Variants in PLEC observed in about 807,000 individuals in gnomAD.
PLEC encodes hemidesmosomal protein 1.
Under a neutral mutation model 392.8 loss-of-function variants are expected in PLEC, and 216 were observed. That is an observed-to-expected ratio of 0.55 (90% CI 0.49 to 0.62). The LOEUF (loss-of-function observed/expected upper bound fraction) is 0.62. PLEC is among the 20% of genes least tolerant of loss of function. PLEC has a pLI of 0.00. For synonymous variants in PLEC, 3,621 were observed against 2,980.6 expected, an observed-to-expected ratio of 1.21 and a Z score of -7.00; for missense variants, 6,863 against 6,563.4, an observed-to-expected ratio of 1.05 and a Z score of -1.58.
At chr8:143,958,845 C>T (rs1040404690), upstream of PLEC, 6 of 254,254 alleles carry the variant, frequency 2.4e-5, no homozygotes, top group African/African-American at 8.9e-5. The surrounding 1 kb of genome is among the most constrained non-coding windows in gnomAD (Gnocchi z 4.9). Context: ...GCACCAGACA[C>T]GAAGGTGTCA....
In PLEC at chr8:143,918,515, G is replaced by T. The variant is rs1184964710; in HGVS notation, c.11306C>A (p.Thr3769Asn). ...CTCGGTGTAGGGGTCACGGTAGCCG[G>T]TGACCGCCCGCTCAGCCGAGAGCAG... is the stretch of plus-strand genomic sequence containing the variant. ...DRLLSAERAV[T>N]GYRDPYTEQT... is the part of the protein sequence containing the mutation. The change falls in exon 32 of 32, where the codon ACC (threonine) becomes AAC (asparagine). Residue 3769 changes from threonine to asparagine, a missense_variant. Transcript: ENST00000345136. 1.2e-6 allele frequency: 2 copies of T among 1,606,746 alleles called. No individual in the cohort carries two copies. Among genetic ancestry groups the T allele is most frequent in the African/African-American group, 1.3e-5 (1 of 74,762 alleles).
chr8:143,976,105 A>G (rs1463605641), upstream of PLEC, among the ~76,000 whole-genome samples: 1 of 152,224 alleles, frequency 6.6e-6, no homozygotes, highest in Non-Finnish European at 1.5e-5. Context: ...AAATAGCTGC[A>G]GCCGCAGCGG....
upstream of PLEC, among the ~76,000 whole-genome samples, chr8:143,940,657 G>A (rs1015293542): frequency 1.3e-5 from 2 of 152,186 alleles, no homozygotes; most frequent in Non-Finnish European, 2.9e-5. Flanking sequence ...TGTTCCAGCC[G>A]CACATCAGGC....
chr8:143,967,516 A>G (rs1833171249), intron 1 of PLEC, among the ~76,000 whole-genome samples: 1 of 152,138 alleles, frequency 6.6e-6, no homozygotes, highest in African/African-American at 2.4e-5. Context: ...TGCTGCCCAC[A>G]GGCAACTTCG....
upstream of PLEC, chr8:143,943,683 G>A (rs1830914516): frequency 3.4e-6 from 4 of 1,192,624 alleles, no homozygotes; most frequent in Admixed American, 3.9e-5. Context: ...ATTCAGCTTG[G>A]AAACAGGAAG....
chr8:143,917,949 T>A lies in PLEC; in HGVS notation c.11872A>T (p.Ile3958Phe). The A allele has an allele frequency of 6.2e-7, 1 of 1,613,060 alleles. No individual in the cohort carries two copies. The highest frequency in any genetic ancestry group is 8.5e-7 in the Non-Finnish European group (1 of 1,179,994). The change falls in exon 32 of 32, where the codon ATC becomes TTC. Residue 3958 changes from isoleucine (I) to phenylalanine (F), a missense_variant. By Grantham distance (21) the Ile-to-Phe change is conservative. Coordinates refer to ENST00000345136, the MANE Select transcript of PLEC (RefSeq NM_201384.3). Reference protein sequence around the residue: ...SVYQAMKKGIIRPGTAFELLE... With the variant: ...SVYQAMKKGIFRPGTAFELLE... Reference sequence around the variant, plus strand: ...AGCTCAAAGGCTGTGCCGGGGCGGATGATGCCCTTCTTCATGGCCTGGTAC... The same window carrying A: ...AGCTCAAAGGCTGTGCCGGGGCGGAAGATGCCCTTCTTCATGGCCTGGTAC...
chr8:143,944,310 G>A (rs1457536377), upstream of PLEC, among the ~76,000 whole-genome samples: 2 of 152,116 alleles, frequency 1.3e-5, no homozygotes, highest in Admixed American at 1.3e-4. Flanking sequence ...GCCTCCCCCT[G>A]CTGTCCCCAC....
At position 143,933,352 on chromosome 8, in the gene PLEC, C is replaced by T; in HGVS notation, c.1264-1G>A. On this transcript the variant is annotated splice_acceptor_variant, in intron 12 of 31. Coordinates refer to ENST00000345136, the MANE Select transcript of PLEC (RefSeq NM_201384.3). LOFTEE classifies it high-confidence loss of function. ...TGCCTGCAGCCAGCAGCCGGACATCCTGCAAGGTCGTTGCCATGACTCGGA... is the reference window on the plus strand; with the variant it reads ...TGCCTGCAGCCAGCAGCCGGACATCTTGCAAGGTCGTTGCCATGACTCGGA... The T allele has an allele frequency of 6.2e-7, 1 of 1,610,456 alleles. No individual in the cohort carries two copies. The highest frequency in any genetic ancestry group is 1.1e-5 in the South Asian group (1 of 91,090).
chr8:143,940,624 A>G (rs1830281576), upstream of PLEC, among the ~76,000 whole-genome samples: 1 of 152,200 alleles, frequency 6.6e-6, no homozygotes, highest in South Asian at 2.1e-4. Flanking sequence ...ATAGGAAAGA[A>G]TGCGCTGCCC....
In PLEC at chr8:143,920,407, C is replaced by G. The variant is rs374241416; in HGVS notation, c.9414G>C (p.Leu3138=). 1.9e-6 allele frequency: 3 copies of G among 1,593,252 alleles called. No homozygotes were observed. Among genetic ancestry groups the G allele is most frequent in the Non-Finnish European group, 2.6e-6 (3 of 1,172,796 alleles). ...TGGGGTCCACGATGCCGCCCGTGGACAGCTGGGCGTCCAACAGGCGCAGGC... is the reference window on the plus strand; with the variant it reads ...TGGGGTCCACGATGCCGCCCGTGGAGAGCTGGGCGTCCAACAGGCGCAGGC... ...EQGLRLLDAQ[L]STGGIVDPSK... is the part of the protein sequence containing the mutation. Residue 3138 remains leucine (L), a synonymous_variant, in exon 32 of 32, where the codon CTG becomes CTC. Transcript: ENST00000345136.
In PLEC at chr8:143,919,157, G is replaced by A. The variant is rs141176249; in HGVS notation, c.10664C>T (p.Thr3555Met). The A allele has an allele frequency of 2.5e-5, 40 of 1,613,546 alleles. No individual in the cohort carries two copies. The African/African-American group carries it at 3.7e-4, about 15-fold the overall frequency. ...GAEKAEVVET[T>M]QVYTEEETRR... ...TGTCTCCTCCTCAGTGTACACCTGC[G>A]TGGTCTCCACCACCTCAGCCTTCTC... The change falls in exon 32 of 32, where the codon ACG becomes ATG. Residue 3555 changes from threonine (T) to methionine (M), a missense_variant. By Grantham distance (81) the Thr-to-Met change is moderately conservative. Coordinates refer to ENST00000345136, the MANE Select transcript of PLEC (RefSeq NM_201384.3).
At chr8:143,936,074 C>T in intron 5 of PLEC, 60 bp from the exon 6 acceptor site, 2 of 1,584,308 alleles carry the variant, frequency 1.3e-6, no homozygotes, top group Non-Finnish European at 1.7e-6. Flanking sequence ...GCTCTGTGCC[C>T]ACAGCCACAT....
Position 143,938,649 on chromosome 8 carries a change from G to A in PLEC, c.156C>T (p.Val52=). 3 of 1,613,858 alleles carry A rather than the reference G, an allele frequency of 1.9e-6. No homozygotes were observed. The highest frequency in any genetic ancestry group is 1.7e-6 in the Non-Finnish European group (2 of 1,179,944). Residue 52 remains valine, a synonymous_variant, in exon 2 of 32, where the codon GTC becomes GTT. Transcript: ENST00000345136. ...CACCAACCTTGATGAGGTGCTTGTT[G>A]ACCCACTTGGTGAAGGTTTTCTTCT... is the stretch of plus-strand genomic sequence containing the variant. ...RVQKKTFTKW[V]NKHLIKAQRH... is the part of the protein sequence containing the mutation.
chr8:143,922,056 C>T lies in PLEC; in HGVS notation c.7765G>A (p.Glu2589Lys), dbSNP rs782123609. The T allele has an allele frequency of 6.3e-6, 10 of 1,591,712 alleles. No homozygotes were observed. The African/African-American group carries it at 1.1e-4, about 17-fold the overall frequency. ...TGCTCACGCAGCCTCTGGTTCTCCT[C>T]AGCCAGCAGCTCCTCCTGCTGCCGC... Reference protein sequence around the residue: ...QRRQQEELLAEENQRLREQLQ... With the variant: ...QRRQQEELLAKENQRLREQLQ... The change falls in exon 32 of 32, where the codon GAG becomes AAG. Residue 2589 changes from glutamate to lysine, a missense_variant. Coordinates refer to ENST00000345136, the MANE Select transcript of PLEC (RefSeq NM_201384.3).
chr8:143,927,566 G>A lies in PLEC; in HGVS notation c.3600C>T (p.Arg1200=), dbSNP rs781792998. 5.5e-5 allele frequency: 88 copies of A among 1,592,480 alleles called. No homozygotes were observed. Among genetic ancestry groups the A allele is most frequent in the Non-Finnish European group, 6.7e-5 (79 of 1,177,022 alleles). The change falls in exon 27 of 32, where the codon CGC becomes CGT. Residue 1200 remains arginine (R), a synonymous_variant. Coordinates refer to ENST00000345136, the MANE Select transcript of PLEC (RefSeq NM_201384.3). The part of the protein sequence containing the change: ...AVLAQTDVRQ[R]ELEQLGRQLR... ...GCTGGCGGCCCAGTTGCTCGAGCTC[G>A]CGCTGCCGCACGTCGGTCTGGGCCA...
At position 143,924,182 on chromosome 8, in the gene PLEC, G is replaced by A. The variant is rs781801757; in HGVS notation, c.5747C>T (p.Thr1916Met). ...LERQKGLVED[T>M]LRQRRQVEEE... ...CTCCACCTGCCGCCGCTGCCTCAGCGTGTCCTCCACCAGCCCCTTCTGCCG... is the reference window on the plus strand; with the variant it reads ...CTCCACCTGCCGCCGCTGCCTCAGCATGTCCTCCACCAGCCCCTTCTGCCG... Residue 1916 changes from threonine to methionine, a missense_variant, in exon 31 of 32, where the codon ACG (threonine) becomes ATG (methionine). Coordinates refer to ENST00000345136, the MANE Select transcript of PLEC (RefSeq NM_201384.3). 37 of 1,598,690 alleles carry A rather than the reference G, an allele frequency of 2.3e-5. No individual in the cohort carries two copies. Among genetic ancestry groups the A allele is most frequent in the African/African-American group, 9.4e-5 (7 of 74,800 alleles).
intron 8 of PLEC, 22 bp from the exon 9 acceptor site, chr8:143,934,951 T>C (rs782171147): frequency 1.2e-6 from 2 of 1,610,622 alleles, no homozygotes; most frequent in Middle Eastern, 1.7e-4. Flanking sequence ...CACGGGCGGC[T>C]GTCAGGGGTC....
rs782270725 is a variant in PLEC, at chr8:143,937,015, G to A, written c.399C>T (p.Thr133=). 13 of 1,612,938 alleles carry A rather than the reference G, an allele frequency of 8.1e-6. No individual in the cohort carries two copies. The highest frequency in any genetic ancestry group is 3.3e-5 in the South Asian group (3 of 91,086). The stretch of plus-strand genomic sequence containing the variant: ...GAATGATTGTCCAGATGAGGCCAAG[G>A]GTCAGCTTGGGGTTGCCGTCAGCGA... ...DDIADGNPKL[T]LGLIWTIILH... Residue 133 remains threonine, a synonymous_variant, in exon 5 of 32, where the codon ACC becomes ACT. Transcript: ENST00000345136.
Position 143,922,145 on chromosome 8 carries a change from T to TGCC in PLEC, c.7673_7675dup (p.Arg2558dup). On this transcript the variant is annotated inframe_insertion, in exon 32 of 32. Transcript: ENST00000345136. Reference sequence around the variant, plus strand: ...CCGCACGCCCTCCTCGGCCTCATGCTGCCGCCGCCGCGCCTCCTCCATGCT... The same window carrying TGCC: ...CCGCACGCCCTCCTCGGCCTCATGCTGCCGCCGCCGCCGCGCCTCCTCCATGCT... 1 of 1,540,036 alleles carries TGCC rather than the reference T, an allele frequency of 6.5e-7. No homozygotes were observed. The highest frequency in any genetic ancestry group is 1.2e-5 in the South Asian group (1 of 84,898).
Sources: gnomAD v4.1 joint callset for allele counts (sites outside exome capture counted in the v4.1 genomes callset) on GRCh38, gnomAD v4.1.1 for gene constraint, Gnocchi (gnomAD v3.1) non-coding constraint, MANE v1.5 for transcripts, NCBI Gene and HGNC (gene_info 2026-07-23, HGNC 2026-07-21) for gene names.